Variants in CCDC138 observed in about 807,000 individuals in gnomAD.
The protein encoded by CCDC138 is coiled-coil domain-containing protein 138.
A neutral mutation model predicts 82.3 loss-of-function variants in CCDC138; 66 were observed. The observed-to-expected ratio is 0.80, with a 90% CI of 0.66 to 0.98. The LOEUF is 0.98. Ranked by LOEUF, CCDC138 falls within the 50% of genes least tolerant of loss-of-function variation. CCDC138 has a pLI of 0.00. For synonymous variants in CCDC138, 297 were observed against 265.4 expected (o/e 1.12, Z -1.16); for missense variants, 816 against 758.9 (o/e 1.08, Z -0.88).
intron 13 of CCDC138, among the ~76,000 whole-genome samples, chr2:108,869,715 GGCCCAGACAGGATGCAT>G (rs1222544910): frequency 6.6e-6 from 1 of 152,108 alleles, no homozygotes; most frequent in Non-Finnish European, 1.5e-5. Flanking sequence ...AGCATACACA[GGCCCAGACAGGATGCAT>G]GCCCAGACAA....
intron 7 of CCDC138, among the ~76,000 whole-genome samples, chr2:108,809,589 C>A (rs1683454784): frequency 6.6e-6 from 1 of 151,720 alleles, no homozygotes; most frequent in Non-Finnish European, 1.5e-5. Context: ...ATTTTTGTAG[C>A]CATTGTAAAC....
Position 108,859,712 on chromosome 2 carries a change from A to T in CCDC138, c.1693+2742A>T, listed in dbSNP as rs368205429. On this transcript the variant is annotated intron_variant, in intron 13 of 14. Coordinates refer to ENST00000295124, the MANE Select transcript of CCDC138 (RefSeq NM_144978.3). ...TGTTTGGTTACTATAGCCTTGTAGT[A>T]TAGTTTGAAGTCAGATAACATGATG... Among the ~76,000 whole-genome samples, 4 of 152,220 alleles carry T rather than the reference A, an allele frequency of 2.6e-5. 1 individual carries two copies. The highest frequency in any genetic ancestry group is 1.9e-4 in the East Asian group (1 of 5,184).
At chr2:108,858,171 C>A (rs527980615) in intron 13 of CCDC138, among the ~76,000 whole-genome samples, 1 of 152,138 alleles carries the variant, frequency 6.6e-6, no homozygotes. Flanking sequence ...CGGTGAAACC[C>A]CGTCTGTACT....
At chr2:108,817,903 T>C (rs889759631) in intron 10 of CCDC138, among the ~76,000 whole-genome samples, 2 of 152,210 alleles carry the variant, frequency 1.3e-5, no homozygotes, top group African/African-American at 2.4e-5. Flanking sequence ...GAATTTTGTC[T>C]CTTAGTACCT....
At chr2:108,843,117 T>C (rs1689789778) in intron 11 of CCDC138, among the ~76,000 whole-genome samples, 1 of 151,616 alleles carries the variant, frequency 6.6e-6, no homozygotes, top group East Asian at 1.9e-4. Flanking sequence ...ATATCCTATC[T>C]ATCTGTTTAG....
intron 14 of CCDC138, among the ~76,000 whole-genome samples, chr2:108,874,218 G>A (rs1024491259): frequency 1.3e-5 from 2 of 152,036 alleles, no homozygotes; most frequent in Non-Finnish European, 2.9e-5. Context: ...GTGAATTTAG[G>A]GAATGAGAAT....
intron 7 of CCDC138, among the ~76,000 whole-genome samples, chr2:108,805,588 G>T (rs1023988862): frequency 3.3e-5 from 5 of 151,840 alleles, no homozygotes; most frequent in Non-Finnish European, 7.4e-5. Context: ...ATAGCTGGGC[G>T]TGATGGCGGG....
downstream of CCDC138, among the ~76,000 whole-genome samples, chr2:108,877,852 T>TA (rs1445420851): frequency 6.6e-6 from 1 of 152,162 alleles, no homozygotes; most frequent in African/African-American, 2.4e-5. Flanking sequence ...AATGGTAAGT[T>TA]ACAAGGATAA....
chr2:108,871,600 T>G (rs1029513301), intron 13 of CCDC138, among the ~76,000 whole-genome samples: 1 of 152,040 alleles, frequency 6.6e-6, no homozygotes, highest in African/African-American at 2.4e-5. Context: ...TAAAAAACAT[T>G]GTCCCATTTT....
At chr2:108,791,455 G>A (rs1015029297) in intron 3 of CCDC138, 3 of 530,702 alleles carry the variant, frequency 5.7e-6, no homozygotes, top group Admixed American at 2.9e-5. Flanking sequence ...TTTAAATTAA[G>A]TCTATTTAAT....
chr2:108,789,037 A>T (rs535829261), intron 3 of CCDC138, 71 bp downstream of exon 3: 3 of 1,548,032 alleles, frequency 1.9e-6, no homozygotes, highest in Admixed American at 1.8e-5. Flanking sequence ...AGAAAAGGGC[A>T]GGTTATATTT....
At chr2:108,845,958 A>T (rs1329807918) in intron 11 of CCDC138, among the ~76,000 whole-genome samples, 1 of 150,818 alleles carries the variant, frequency 6.6e-6, no homozygotes, top group Admixed American at 6.6e-5. Flanking sequence ...TATTTTGCCC[A>T]TTTTTTTTTG....
chr2:108,868,918 T>G (rs1450174321), intron 13 of CCDC138, among the ~76,000 whole-genome samples: 1 of 151,790 alleles, frequency 6.6e-6, no homozygotes, highest in Non-Finnish European at 1.5e-5. Context: ...AAAAATGAAA[T>G]TTTTTTCTAT....
chr2:108,831,952 T>C (rs986678786), intron 10 of CCDC138, among the ~76,000 whole-genome samples: 2 of 151,984 alleles, frequency 1.3e-5, no homozygotes, highest in African/African-American at 4.8e-5. Context: ...AGGCTGGTCT[T>C]GAACTTCTGA....
intron 10 of CCDC138, among the ~76,000 whole-genome samples, chr2:108,837,095 G>A (rs999175621): frequency 1.3e-5 from 2 of 152,138 alleles, no homozygotes; most frequent in African/African-American, 2.4e-5. Flanking sequence ...AACAGAAGTG[G>A]TGAGGGTGTG....
At chr2:108,861,135 A>T (rs1464531458) in intron 13 of CCDC138, among the ~76,000 whole-genome samples, 1 of 149,232 alleles carries the variant, frequency 6.7e-6, no homozygotes, top group Non-Finnish European at 1.5e-5. Flanking sequence ...GTCTCTGAGG[A>T]TTTTTTTTTA....
chr2:108,796,660 T>C (rs1233192764), intron 5 of CCDC138, among the ~76,000 whole-genome samples: 2 of 152,162 alleles, frequency 1.3e-5, no homozygotes, highest in Non-Finnish European at 2.9e-5. Context: ...TGAAATCTTA[T>C]CATTGACAGC....
downstream of CCDC138, among the ~76,000 whole-genome samples, chr2:108,878,883 C>G (rs1696196803): frequency 1.3e-5 from 2 of 151,798 alleles, no homozygotes; most frequent in Non-Finnish European, 2.9e-5. Context: ...TGGAAAATAT[C>G]AAGGAAACTA....
At chr2:108,832,768 T>C (rs1687919170) in intron 10 of CCDC138, among the ~76,000 whole-genome samples, 1 of 152,072 alleles carries the variant, frequency 6.6e-6, no homozygotes. Flanking sequence ...AGACACCTAG[T>C]AGTTGAAGGA....
Sources: gnomAD v4.1 joint callset for allele counts (sites outside exome capture counted in the v4.1 genomes callset) on GRCh38, gnomAD v4.1.1 for gene constraint, MANE v1.5 for transcripts, NCBI Gene and HGNC (gene_info 2026-07-23, HGNC 2026-07-21) for gene names.